RASAL2: variants seen among roughly 807,000 people sequenced by gnomAD.
The protein encoded by RASAL2 is ras GTPase-activating protein nGAP.
RASAL2 carries 58 observed loss-of-function variants against 128.9 expected under a neutral mutation model. That is an observed-to-expected ratio of 0.45 (90% CI 0.36 to 0.56). The LOEUF (loss-of-function observed/expected upper bound fraction) is 0.56. RASAL2 is among the 20% of genes least tolerant of loss of function. The pLI, the probability that RASAL2 is intolerant of heterozygous loss-of-function variation, is 0.00. For missense variants in RASAL2, 1,360 were observed against 1,601.6 expected (o/e 0.85, Z 2.57); for synonymous variants, 561 against 580.8 (o/e 0.97, Z 0.49).
At chr1:178,167,449 A>C (rs558488140) in intron 1 of RASAL2, among the ~76,000 whole-genome samples, 97 of 152,240 alleles carry the variant, frequency 6.4e-4, no homozygotes, top group Non-Finnish European at 1.3e-3. Flanking sequence ...TACTTAATAG[A>C]GAATACTATT....
intron 1 of RASAL2, among the ~76,000 whole-genome samples, chr1:178,234,229 A>G (rs566796605): frequency 2.0e-5 from 3 of 152,340 alleles, no homozygotes; most frequent in African/African-American, 7.2e-5. Context: ...AAAATATTCA[A>G]GTAATTTGTC....
chr1:178,235,515 G>A (rs1304653233), intron 1 of RASAL2, among the ~76,000 whole-genome samples: 4 of 151,896 alleles, frequency 2.6e-5, no homozygotes, highest in Admixed American at 1.3e-4. Flanking sequence ...TTCCAGTAAC[G>A]AAAAAACAGT....
intron 4 of RASAL2, among the ~76,000 whole-genome samples, chr1:178,402,330 G>A (rs772975508): frequency 6.6e-6 from 1 of 151,982 alleles, no homozygotes; most frequent in Non-Finnish European, 1.5e-5. Flanking sequence ...CTTGAACCTG[G>A]GAGGTGGAGG....
intron 1 of RASAL2, among the ~76,000 whole-genome samples, chr1:178,173,947 C>T (rs1661795919): frequency 6.7e-6 from 1 of 150,002 alleles, no homozygotes; most frequent in Admixed American, 6.7e-5. Context: ...AGACTTTTCT[C>T]CTTAATTCCC....
chr1:178,439,628 T>A, intron 6 of RASAL2, 53 bp downstream of exon 6: 1 of 1,563,012 alleles, frequency 6.4e-7, no homozygotes, highest in Non-Finnish European at 8.7e-7. Flanking sequence ...AATTGGATTT[T>A]ATGTCCAGTA....
intron 1 of RASAL2, among the ~76,000 whole-genome samples, chr1:178,160,057 C>T (rs1257203825): frequency 6.6e-6 from 1 of 150,462 alleles, no homozygotes; most frequent in African/African-American, 2.4e-5. Flanking sequence ...TATTTTCTTT[C>T]TTTCTTTTTT....
intron 4 of RASAL2, among the ~76,000 whole-genome samples, chr1:178,398,182 A>T (rs908079054): frequency 6.6e-6 from 1 of 152,078 alleles, no homozygotes; most frequent in African/African-American, 2.4e-5. Context: ...AAACTACCAT[A>T]ATTTGGCCTA....
At chr1:178,285,136 C>T (rs1473561595) in intron 2 of RASAL2, among the ~76,000 whole-genome samples, 4 of 94,406 alleles carry the variant, frequency 4.2e-5, no homozygotes, top group African/African-American at 8.9e-5. Flanking sequence ...TTTTTTGAGA[C>T]GGAGTCTCGC....
At chr1:178,410,568 G>A (rs1189236015) in intron 4 of RASAL2, among the ~76,000 whole-genome samples, 1 of 151,910 alleles carries the variant, frequency 6.6e-6, no homozygotes, top group Non-Finnish European at 1.5e-5. Flanking sequence ...AAAGAGATCA[G>A]AATCAATAAA....
intron 1 of RASAL2, among the ~76,000 whole-genome samples, chr1:178,268,238 G>A (rs1666072158): frequency 1.3e-5 from 2 of 152,060 alleles, no homozygotes; most frequent in African/African-American, 4.8e-5. Context: ...AGGAGGCCGA[G>A]GCGGGTGGAT....
chr1:178,155,438 C>T (rs1661051134), intron 1 of RASAL2, among the ~76,000 whole-genome samples: 1 of 145,856 alleles, frequency 6.9e-6, no homozygotes, highest in South Asian at 2.2e-4. Context: ...AAGAACATAG[C>T]TCACTCAGTA....
At chr1:178,264,522 A>G (rs1347854131) in intron 1 of RASAL2, among the ~76,000 whole-genome samples, 1 of 152,188 alleles carries the variant, frequency 6.6e-6, no homozygotes, top group Non-Finnish European at 1.5e-5. Flanking sequence ...ATAATTTGCT[A>G]TAGTGGCTCT....
chr1:178,271,966 T>C (rs1666279825), intron 1 of RASAL2, among the ~76,000 whole-genome samples: 1 of 152,230 alleles, frequency 6.6e-6, no homozygotes, highest in Non-Finnish European at 1.5e-5. Flanking sequence ...TTGTCTGAAA[T>C]GCTAATACAT....
chr1:178,229,749 A>G (rs1663926853), intron 1 of RASAL2, among the ~76,000 whole-genome samples: 1 of 152,204 alleles, frequency 6.6e-6, no homozygotes, highest in African/African-American at 2.4e-5. Flanking sequence ...TGGCTAATCT[A>G]TAACACTGAT....
At chr1:178,265,860 A>G (rs1025437847) in intron 1 of RASAL2, among the ~76,000 whole-genome samples, 1 of 152,230 alleles carries the variant, frequency 6.6e-6, no homozygotes. Context: ...TGTTTAAACA[A>G]AATTACACAT....
At chr1:178,144,042 A>G (rs1219149194) in intron 1 of RASAL2, among the ~76,000 whole-genome samples, 6 of 152,096 alleles carry the variant, frequency 3.9e-5, no homozygotes, top group South Asian at 2.1e-4. Flanking sequence ...GAATGTCTCA[A>G]GAGTTGTGTG....
At chr1:178,426,005 G>T (rs1675491448) in intron 5 of RASAL2, among the ~76,000 whole-genome samples, 1 of 152,122 alleles carries the variant, frequency 6.6e-6, no homozygotes, top group South Asian at 2.1e-4. Flanking sequence ...CCCAGCTCTA[G>T]AAAGTCAGCA....
chr1:178,167,526 G>T (rs1661558209), intron 1 of RASAL2, among the ~76,000 whole-genome samples: 1 of 152,020 alleles, frequency 6.6e-6, no homozygotes, highest in African/African-American at 2.4e-5. Context: ...TGGACAAAAT[G>T]GGTATGGGGG....
intron 3 of RASAL2, chr1:178,372,378 T>C: frequency 1.0e-6 from 1 of 981,862 alleles, no homozygotes; most frequent in Non-Finnish European, 1.2e-6. Context: ...TTTTCTTACT[T>C]TTGGGAATAG....
Sources: gnomAD v4.1 joint callset for allele counts (sites outside exome capture counted in the v4.1 genomes callset) on GRCh38, gnomAD v4.1.1 for gene constraint, MANE v1.5 for transcripts, NCBI Gene and HGNC (gene_info 2026-07-23, HGNC 2026-07-21) for gene names.